FUT8: variants seen among roughly 807,000 people sequenced by gnomAD.
The protein encoded by FUT8 is fucosyltransferase 8.
A neutral mutation model predicts 71.3 loss-of-function variants in FUT8; 29 were observed. The observed-to-expected ratio is 0.41, with a 90% CI of 0.30 to 0.55. The LOEUF is 0.55. FUT8 is among the 20% of genes least tolerant of loss of function. The pLI is 0.34. For missense variants in FUT8, 544 were observed against 702.1 expected (o/e 0.77, Z 2.55); for synonymous variants, 254 against 239.3 (o/e 1.06, Z -0.57).
chr14:65,478,663 C>G (rs1193234753), intron 2 of FUT8, among the ~76,000 whole-genome samples: 4 of 152,110 alleles, frequency 2.6e-5, no homozygotes, highest in African/African-American at 9.7e-5. Flanking sequence ...CAAACCAAAG[C>G]CCAACTTAGA....
chr14:65,405,521 CTCT>C, the FUT8 span, among the ~76,000 whole-genome samples: 11 of 152,216 alleles, frequency 7.2e-5, no homozygotes, highest in African/African-American at 2.4e-4. Flanking sequence ...AAAATTTTTC[CTCT>C]TCTTATTTTT....
chr14:65,441,095 T>G (rs2065647880), intron 1 of FUT8, among the ~76,000 whole-genome samples: 1 of 152,220 alleles, frequency 6.6e-6, no homozygotes, highest in South Asian at 2.1e-4. Context: ...TTTTTTTTAG[T>G]AGTTAATTTC....
At chr14:65,529,845 C>T (rs1438919935) in intron 2 of FUT8, among the ~76,000 whole-genome samples, 2 of 152,200 alleles carry the variant, frequency 1.3e-5, no homozygotes, top group African/African-American at 4.8e-5. Flanking sequence ...TTCTTACCCT[C>T]ATTTCTAAGA....
At chr14:65,457,701 G>A (rs2139568598) in intron 2 of FUT8, among the ~76,000 whole-genome samples, 1 of 152,254 alleles carries the variant, frequency 6.6e-6, no homozygotes, top group East Asian at 1.9e-4. Flanking sequence ...ATGCACTGGT[G>A]GTCAGAGTGA....
intron 9 of FUT8, among the ~76,000 whole-genome samples, chr14:65,726,396 T>G (rs1226462227): frequency 2.0e-5 from 3 of 152,216 alleles, no homozygotes; most frequent in African/African-American, 7.2e-5. Flanking sequence ...GTAAGAGGTT[T>G]AATAGACTTA....
intron 3 of FUT8, among the ~76,000 whole-genome samples, chr14:65,609,762 C>A (rs1391396332): frequency 1.3e-5 from 2 of 151,830 alleles, no homozygotes; most frequent in East Asian, 3.8e-4. Flanking sequence ...AAGCCAGATA[C>A]AATAGGTCTT....
chr14:65,410,213 C>T (rs2065108087), upstream of FUT8, among the ~76,000 whole-genome samples: 1 of 152,126 alleles, frequency 6.6e-6, no homozygotes, highest in Non-Finnish European at 1.5e-5. Flanking sequence ...AAAGCTGGGA[C>T]TGTTATCCAC....
the FUT8 span, among the ~76,000 whole-genome samples, chr14:65,369,858 G>A: frequency 6.6e-6 from 1 of 152,264 alleles, no homozygotes; most frequent in East Asian, 1.9e-4. The surrounding 1 kb of genome is among the most constrained non-coding windows in gnomAD (Gnocchi z 4.6). Context: ...CCATGCCACT[G>A]ATCTGTCTAT....
chr14:65,637,303 G>T (rs1890611997), intron 6 of FUT8, among the ~76,000 whole-genome samples: 1 of 152,104 alleles, frequency 6.6e-6, no homozygotes, highest in Non-Finnish European at 1.5e-5. Flanking sequence ...TGCGATTTCT[G>T]ATGAGCTCAT....
rs1303487058 is a variant in FUT8, at chr14:65,550,373, C to T, written c.-227-10964C>T. On this transcript the variant is annotated intron_variant, in intron 2 of 10. Coordinates refer to ENST00000673929, the MANE Select transcript of FUT8 (RefSeq NM_001371533.1). The surrounding 1 kb of genome is among the most constrained non-coding windows in gnomAD (Gnocchi z 4.5). ...CATAGCTTAGCCTACCTTAAATGTG[C>T]CCAGAACACTTATATTAGCCTACAG... 1.3e-5 allele frequency among the ~76,000 whole-genome samples: 2 copies of T among 152,064 alleles called. No homozygotes were observed. The highest frequency in any genetic ancestry group is 2.9e-5 in the Non-Finnish European group (2 of 68,000).
chr14:65,476,639 T>G (rs977620132), intron 2 of FUT8, among the ~76,000 whole-genome samples: 3 of 948 alleles, frequency 3.2e-3, no homozygotes, highest in Non-Finnish European at 0.011. Context: ...AGAAGTAGAT[T>G]TTTTTTTTTT....
intron 1 of FUT8, among the ~76,000 whole-genome samples, chr14:65,450,627 G>T (rs2065807053): frequency 6.6e-6 from 1 of 152,066 alleles, no homozygotes; most frequent in African/African-American, 2.4e-5. Flanking sequence ...TTTTCTCAGA[G>T]AAATCTTTCA....
chr14:65,731,774 G>A (rs1054259200), intron 9 of FUT8, among the ~76,000 whole-genome samples: 2 of 152,094 alleles, frequency 1.3e-5, no homozygotes, highest in African/African-American at 4.8e-5. Flanking sequence ...GGATTATAGG[G>A]ATGAGCCACC....
chr14:65,544,301 TATC>T (rs1884859701), intron 2 of FUT8, among the ~76,000 whole-genome samples: 1 of 152,190 alleles, frequency 6.6e-6, no homozygotes, highest in Non-Finnish European at 1.5e-5. Context: ...TTATGCATAT[TATC>T]ATAATCTTCA....
At chr14:65,424,539 C>CTTTTTTTTT (rs796843891) in intron 1 of FUT8, among the ~76,000 whole-genome samples, 32 of 125,426 alleles carry the variant, frequency 2.6e-4, no homozygotes, top group Non-Finnish European at 4.3e-4. Context: ...CTTTTCTTTT[C>CTTTTTTTTT]TTTTTTTTTT....
chr14:65,435,905 G>C (rs1263549583), intron 1 of FUT8, among the ~76,000 whole-genome samples: 1 of 137,162 alleles, frequency 7.3e-6, no homozygotes, highest in Non-Finnish European at 1.6e-5. Flanking sequence ...ATTTTCGTGT[G>C]CTTTAAGATA....
intron 8 of FUT8, among the ~76,000 whole-genome samples, chr14:65,722,435 G>T (rs1262199215): frequency 2.6e-5 from 4 of 152,068 alleles, no homozygotes; most frequent in Non-Finnish European, 5.9e-5. Flanking sequence ...GGGTCTAAAG[G>T]CATGTATCAC....
chr14:65,650,025 G>A (rs2180299), intron 6 of FUT8, among the ~76,000 whole-genome samples: 126,755 of 152,122 alleles, frequency 0.83, 53,011 homozygotes, highest in East Asian at 1. Context: ...GGCTGGGTGC[G>A]GTGGCTCACG....
At chr14:65,700,522 C>T (rs1317338764) in intron 7 of FUT8, among the ~76,000 whole-genome samples, 2 of 150,856 alleles carry the variant, frequency 1.3e-5, no homozygotes, top group Admixed American at 6.6e-5. Context: ...TCCCGAGTAG[C>T]TGGGACTACA....
Sources: gnomAD v4.1 joint callset for allele counts (sites outside exome capture counted in the v4.1 genomes callset) on GRCh38, gnomAD v4.1.1 for gene constraint, Gnocchi (gnomAD v3.1) non-coding constraint, MANE v1.5 for transcripts, NCBI Gene and HGNC (gene_info 2026-07-23, HGNC 2026-07-21) for gene names.